The following GALNT12 variants were observed in gnomAD, a reference collection of about 807,000 sequenced individuals.
The protein encoded by GALNT12 is UDP-GalNAc:polypeptide N-acetylgalactosaminyltransferase 12.
Under a neutral mutation model 55.5 loss-of-function variants are expected in GALNT12, and 45 were observed. The observed-to-expected ratio is 0.81, with a 90% CI of 0.64 to 1.04. GALNT12 has a LOEUF of 1.04. GALNT12 is among the 50% of genes least tolerant of loss of function. The pLI is 0.00. For synonymous variants in GALNT12, 304 were observed against 312.2 expected, an observed-to-expected ratio of 0.97 and a Z score of 0.28; for missense variants, 709 against 754.8, an observed-to-expected ratio of 0.94 and a Z score of 0.71.
chr9:98,835,937 T>C (rs2118443356), intron 5 of GALNT12, among the ~76,000 whole-genome samples: 1 of 152,338 alleles, frequency 6.6e-6, no homozygotes, highest in South Asian at 2.1e-4. Flanking sequence ...GGTTTCACCA[T>C]GTCATCCAGG....
At chr9:98,811,679 C>A (rs1408873909) in intron 1 of GALNT12, among the ~76,000 whole-genome samples, 1 of 133,686 alleles carries the variant, frequency 7.5e-6, no homozygotes, top group Non-Finnish European at 1.6e-5. Flanking sequence ...GTCTCGAAGT[C>A]GTTCTTTTTT....
At chr9:98,829,423 A>G (rs1330135328) in intron 3 of GALNT12, among the ~76,000 whole-genome samples, 1 of 151,132 alleles carries the variant, frequency 6.6e-6, no homozygotes, top group Admixed American at 6.6e-5. Context: ...TCCTGACCTC[A>G]AGTGATTTGC....
At position 98,807,807 on chromosome 9, in the gene GALNT12, C is replaced by T. The variant is rs1199187156; in HGVS notation, c.109C>T (p.Leu37=). Residue 37 remains leucine (L), a synonymous_variant, in exon 1 of 10, where the codon CTG becomes TTG. Coordinates refer to ENST00000375011, the MANE Select transcript of GALNT12 (RefSeq NM_024642.5). ...GGCGTTGGCCGGGCTGGGCTCGGTG[C>T]TGCGGGCGCAGCGTGGGGCCGGGGC... ...LLALAGLGSV[L]RAQRGAGAGA... is the part of the protein sequence containing the mutation. 2 of 1,072,686 alleles carry T rather than the reference C, an allele frequency of 1.9e-6. No individual in the cohort carries two copies. 66.4% of individuals were successfully genotyped at this position (1,072,686 alleles called of 1,614,324 possible). A position where few individuals can be genotyped will look rare whatever the true frequency, so the allele number is the denominator to read the frequency against.
At position 98,807,689 on chromosome 9, in the gene GALNT12, T is replaced by A; in HGVS notation, c.-10T>A. The A allele has an allele frequency of 8.8e-7, 1 of 1,131,900 alleles. No homozygotes were observed. The highest frequency in any genetic ancestry group is 1.1e-6 in the Non-Finnish European group (1 of 926,340). 70.1% of individuals were successfully genotyped at this position (1,131,900 alleles called of 1,614,324 possible). On this transcript the variant is annotated 5_prime_UTR_variant, in exon 1 of 10. Transcript: ENST00000375011. ...GGGCGCGCAGATCGCTGGCTGCAGT[T>A]GGCGGGCGCATGTGGGGGCGCACGG...
intron 1 of GALNT12, among the ~76,000 whole-genome samples, chr9:98,818,293 G>T (rs995643307): frequency 2.6e-5 from 4 of 151,920 alleles, no homozygotes; most frequent in Non-Finnish European, 4.4e-5. Flanking sequence ...TGCTATCTTG[G>T]CTGACTGCAA....
intron 6 of GALNT12, among the ~76,000 whole-genome samples, chr9:98,839,229 A>G (rs1477773432): frequency 6.6e-6 from 1 of 152,238 alleles, no homozygotes; most frequent in Non-Finnish European, 1.5e-5. Context: ...GGGCGCAGTG[A>G]CTTTCACCAG....
chr9:98,848,769 C>A, intron 9 of GALNT12, 183 bp from the exon 10 acceptor site: 2 of 694,056 alleles, frequency 2.9e-6, no homozygotes, highest in Non-Finnish European at 2.5e-6. Flanking sequence ...CGGGACGCAG[C>A]CTGTACAAGC....
chr9:98,810,260 G>A (rs904788193), intron 1 of GALNT12, among the ~76,000 whole-genome samples: 2 of 152,124 alleles, frequency 1.3e-5, no homozygotes, highest in Non-Finnish European at 2.9e-5. Flanking sequence ...GTCCTTGAAT[G>A]TTGCAGGAGG....
intron 1 of GALNT12, among the ~76,000 whole-genome samples, chr9:98,815,755 CAAT>C (rs769161571): frequency 1.2e-3 from 184 of 152,298 alleles, no homozygotes; most frequent in Non-Finnish European, 1.6e-3. Flanking sequence ...TAAGAATCAG[CAAT>C]AATCTCACTT....
At chr9:98,823,135 A>G in intron 1 of GALNT12, 121 bp from the exon 2 acceptor site, 12 of 909,546 alleles carry the variant, frequency 1.3e-5, no homozygotes, top group Non-Finnish European at 1.8e-5. Flanking sequence ...GCTCTGGAAG[A>G]TCCTTCAGTG....
intron 2 of GALNT12, 42 bp downstream of exon 2, chr9:98,823,467 T>A: frequency 6.3e-7 from 1 of 1,576,592 alleles, no homozygotes; most frequent in Non-Finnish European, 8.7e-7. Flanking sequence ...TGTCCTTCTG[T>A]AGCAGTGTCT....
At chr9:98,846,724 G>A (rs142750312) in intron 9 of GALNT12, among the ~76,000 whole-genome samples, 2,947 of 151,954 alleles carry the variant, frequency 0.019, 36 homozygotes, top group Non-Finnish European at 0.029. Flanking sequence ...CAGGTGTGGT[G>A]GCATGCCCCT....
chr9:98,824,527 T>A (rs1168037445), intron 2 of GALNT12, among the ~76,000 whole-genome samples: 1 of 152,208 alleles, frequency 6.6e-6, no homozygotes, highest in Non-Finnish European at 1.5e-5. Context: ...TTTATCCTGC[T>A]GGCTGTGTGT....
chr9:98,809,245 G>C (rs1003160071), intron 1 of GALNT12, among the ~76,000 whole-genome samples: 1 of 152,216 alleles, frequency 6.6e-6, no homozygotes, highest in Non-Finnish European at 1.5e-5. Flanking sequence ...TGTTTCCACT[G>C]TCTTCCCTGT....
chr9:98,837,262 C>A, intron 6 of GALNT12, 114 bp downstream of exon 6: 1 of 1,004,676 alleles, frequency 1.0e-6, no homozygotes, highest in Non-Finnish European at 1.6e-6. Flanking sequence ...AAATTGGGTG[C>A]TCAGATACGA....
At chr9:98,809,560 C>A (rs143129812) in intron 1 of GALNT12, among the ~76,000 whole-genome samples, 1 of 152,090 alleles carries the variant, frequency 6.6e-6, no homozygotes, top group Admixed American at 6.5e-5. Context: ...CCTTCGTTTG[C>A]GAAATAGGAA....
chr9:98,832,394 C>A (rs1424822029), intron 4 of GALNT12, among the ~76,000 whole-genome samples: 2 of 152,124 alleles, frequency 1.3e-5, no homozygotes, highest in African/African-American at 4.8e-5. Context: ...TAGTGTGTAT[C>A]TGTAGGCCTA....
Position 98,823,162 on chromosome 9 carries a change from G to C in GALNT12, c.372-94G>C, listed in dbSNP as rs2295922. ...CCTTCAGTGGATTATGTCCCCTTCC[G>C]CAGGGGACCATGACCTATGTCCCCT... On this transcript the variant is annotated intron_variant, in intron 1 of 9. Coordinates refer to ENST00000375011, the MANE Select transcript of GALNT12 (RefSeq NM_024642.5). 1,106,825 of 1,157,160 alleles carry C rather than the reference G, an allele frequency of 0.96. 531,350 individuals are homozygous for C. Among genetic ancestry groups the C allele is most frequent in the Non-Finnish European group, 0.98 (755,243 of 770,810 alleles). 71.7% of individuals were successfully genotyped at this position (1,157,160 alleles called of 1,614,324 possible). A position where few individuals can be genotyped will look rare whatever the true frequency, so the allele number is the denominator to read the frequency against.
In GALNT12 at chr9:98,807,697, G is replaced by T. The variant is rs895560383; in HGVS notation, c.-2G>T. Reference sequence around the variant, plus strand: ...AGATCGCTGGCTGCAGTTGGCGGGCGCATGTGGGGGCGCACGGCGCGGCGG... The same window carrying T: ...AGATCGCTGGCTGCAGTTGGCGGGCTCATGTGGGGGCGCACGGCGCGGCGG... On this transcript the variant is annotated 5_prime_UTR_variant, in exon 1 of 10. Transcript: ENST00000375011. 2.6e-6 allele frequency: 3 copies of T among 1,141,518 alleles called. No homozygotes were observed. Among genetic ancestry groups the T allele is most frequent in the African/African-American group, 1.7e-5 (1 of 60,518 alleles). 70.7% of individuals were successfully genotyped at this position (1,141,518 alleles called of 1,614,324 possible).
Sources: gnomAD v4.1 joint callset for allele counts (sites outside exome capture counted in the v4.1 genomes callset) on GRCh38, gnomAD v4.1.1 for gene constraint, MANE v1.5 for transcripts, NCBI Gene and HGNC (gene_info 2026-07-23, HGNC 2026-07-21) for gene names.